Variants in KCNIP4 observed in about 807,000 individuals in gnomAD.
KCNIP4 encodes potassium voltage-gated channel interacting protein 4.
In KCNIP4, 12 loss-of-function variants were observed where a neutral mutation model predicts 34.0. That is an observed-to-expected ratio of 0.35 (90% confidence interval 0.23 to 0.57). The LOEUF (loss-of-function observed/expected upper bound fraction) is 0.57. Among genes scored for constraint, KCNIP4 ranks in the 20% least tolerant of loss-of-function variants. The pLI, the probability that KCNIP4 is intolerant of heterozygous loss-of-function variation, is 0.83. For synonymous variants in KCNIP4, 124 were observed against 102.2 expected, an observed-to-expected ratio of 1.21 and a Z score of -1.29; for missense variants, 238 against 311.7, an observed-to-expected ratio of 0.76 and a Z score of 1.78.
chr4:21,857,165 G>A (rs530603749), intron 1 of KCNIP4, among the ~76,000 whole-genome samples: 16 of 152,296 alleles, frequency 1.1e-4, no homozygotes, highest in Non-Finnish European at 1.6e-4. Context: ...CCTACCCATG[G>A]CCTTACATGA....
chr4:21,527,697 T>A (rs367699190), intron 1 of KCNIP4, among the ~76,000 whole-genome samples: 1 of 152,172 alleles, frequency 6.6e-6, no homozygotes. Context: ...CCATTTACAA[T>A]GCCTTGAAAA....
intron 1 of KCNIP4, among the ~76,000 whole-genome samples, chr4:21,724,356 C>A (rs1186157254): frequency 2.7e-5 from 4 of 149,162 alleles, no homozygotes; most frequent in African/African-American, 1.0e-4. Context: ...ATCTATATAA[C>A]CCTAAAATAT....
At position 21,934,532 on chromosome 4, in the gene KCNIP4, C is replaced by T. The variant is rs150881687; in HGVS notation, c.61+14039G>A. Among the ~76,000 whole-genome samples, 329 of 152,176 alleles carry T rather than the reference C, an allele frequency of 2.2e-3. 2 individuals are homozygous for T. Among genetic ancestry groups the T allele is most frequent in the African/African-American group, 7.5e-3 (313 of 41,544 alleles). On this transcript the variant is annotated intron_variant, in intron 1 of 8. Transcript: ENST00000382152. ...ATCCAGACTATATAAGATCTCTATA[C>T]TGTATATAACATAGAAACTCACAGG... is the stretch of plus-strand genomic sequence containing the variant.
In KCNIP4 at chr4:21,885,120, T is replaced by A. The variant is rs138087260; in HGVS notation, c.61+63451A>T. On this transcript the variant is annotated intron_variant, in intron 1 of 8. Coordinates refer to ENST00000382152, the MANE Select transcript of KCNIP4 (RefSeq NM_025221.6). ...TTTGTGTTGTTCACTATGGCATCTC[T>A]AGTACTTTCTGCAATTCCTAGGATG... Among the ~76,000 whole-genome samples the A allele has an allele frequency of 2.3e-3, 355 of 152,242 alleles. 3 individuals carry two copies. Among genetic ancestry groups the A allele is most frequent in the African/African-American group, 8.2e-3 (340 of 41,558 alleles).
chr4:21,943,011 G>A (rs757929958), intron 1 of KCNIP4, among the ~76,000 whole-genome samples: 5 of 152,082 alleles, frequency 3.3e-5, no homozygotes, highest in Non-Finnish European at 5.9e-5. Context: ...TGCCAGCCTC[G>A]GCCTCCCAAA....
At chr4:20,779,588 CACA>C (rs1453783367) in intron 3 of KCNIP4, among the ~76,000 whole-genome samples, 32 of 82,120 alleles carry the variant, frequency 3.9e-4, no homozygotes, top group African/African-American at 1.2e-3. Context: ...CCCCCCCCCC[CACA>C]CAAAAAAGAA....
intron 1 of KCNIP4, among the ~76,000 whole-genome samples, chr4:20,937,226 T>C (rs1462331440): frequency 3.6e-4 from 39 of 109,524 alleles, no homozygotes; most frequent in South Asian, 3.3e-4. Flanking sequence ...AGGAGTCTTT[T>C]TTTTTTTTTT....
At chr4:21,521,616 C>T (rs932369504) in intron 1 of KCNIP4, among the ~76,000 whole-genome samples, 6 of 152,070 alleles carry the variant, frequency 3.9e-5, no homozygotes, top group Non-Finnish European at 5.9e-5. Context: ...CTAATTATTC[C>T]TTTCTTGCAT....
chr4:21,312,546 C>G (rs1713297685), intron 1 of KCNIP4, among the ~76,000 whole-genome samples: 1 of 152,186 alleles, frequency 6.6e-6, no homozygotes, highest in African/African-American at 2.4e-5. Context: ...CTTTTACAAA[C>G]TTGACATGGT....
chr4:21,848,946 A>ATGTGTGTGTGTGTGCG (rs1553937906), intron 1 of KCNIP4: 1 of 128,446 alleles, frequency 7.8e-6, no homozygotes, highest in East Asian at 3.1e-4. Flanking sequence ...ATATACATAT[A>ATGTGTGTGTGTGTGCG]TGTGTGTGTG....
intron 1 of KCNIP4, among the ~76,000 whole-genome samples, chr4:21,050,701 C>T (rs906815819): frequency 2.6e-5 from 4 of 152,178 alleles, no homozygotes; most frequent in Non-Finnish European, 5.9e-5. Context: ...AGATTGACCA[C>T]AGCAATAAGG....
Position 21,677,510 on chromosome 4 carries a change from T to A in KCNIP4, c.61+271061A>T, listed in dbSNP as rs149313512. ...TCTTGAATCTACCATCACTGCCAGT[T>A]CCCTGCAGCCATCTGCTGCCAATAG... On this transcript the variant is annotated intron_variant, in intron 1 of 8. Transcript: ENST00000382152. Among the ~76,000 whole-genome samples, 610 of 152,242 alleles carry A rather than the reference T, an allele frequency of 4.0e-3. 2 individuals carry two copies. The highest frequency in any genetic ancestry group is 0.014 in the African/African-American group (570 of 41,558).
At chr4:21,003,695 C>A (rs1738324699) in intron 1 of KCNIP4, among the ~76,000 whole-genome samples, 1 of 152,142 alleles carries the variant, frequency 6.6e-6, no homozygotes, top group Non-Finnish European at 1.5e-5. Flanking sequence ...TATCTTACTG[C>A]CCACCTGAGT....
At chr4:20,982,603 A>G (rs1303337143) in intron 1 of KCNIP4, among the ~76,000 whole-genome samples, 1 of 152,264 alleles carries the variant, frequency 6.6e-6, no homozygotes, top group Non-Finnish European at 1.5e-5. Flanking sequence ...GAAGATTACA[A>G]TAGAATGTAT....
At chr4:21,441,974 A>G (rs1029602107) in intron 1 of KCNIP4, among the ~76,000 whole-genome samples, 1 of 152,212 alleles carries the variant, frequency 6.6e-6, no homozygotes, top group Non-Finnish European at 1.5e-5. Flanking sequence ...AATATCATCT[A>G]TAGAAAAAGA....
At chr4:21,179,586 C>T (rs1296385884) in intron 1 of KCNIP4, among the ~76,000 whole-genome samples, 1 of 152,130 alleles carries the variant, frequency 6.6e-6, no homozygotes, top group Non-Finnish European at 1.5e-5. Context: ...GTAAATATGT[C>T]AAGCTGGTAT....
At chr4:21,817,035 T>C (rs1722030686) in intron 1 of KCNIP4, among the ~76,000 whole-genome samples, 1 of 152,182 alleles carries the variant, frequency 6.6e-6, no homozygotes, top group African/African-American at 2.4e-5. Context: ...TGAGCTATTA[T>C]TTTCATGTCA....
intron 1 of KCNIP4, among the ~76,000 whole-genome samples, chr4:21,303,426 A>C (rs1001876181): frequency 6.6e-6 from 1 of 152,216 alleles, no homozygotes; most frequent in African/African-American, 2.4e-5. Context: ...GAAATGAGTG[A>C]TCTCACAATA....
At chr4:20,917,736 T>C (rs1728989176) in intron 1 of KCNIP4, among the ~76,000 whole-genome samples, 1 of 152,140 alleles carries the variant, frequency 6.6e-6, no homozygotes, top group Non-Finnish European at 1.5e-5. Flanking sequence ...CTCATGCCTG[T>C]AATCCCAGCA....
Sources: allele counts gnomAD v4.1 joint callset (sites outside exome capture counted in the v4.1 genomes callset), GRCh38; gene constraint gnomAD v4.1.1; transcripts MANE v1.5; gene names NCBI Gene and HGNC (gene_info 2026-07-23, HGNC 2026-07-21).